Variants in USP25 observed in about 807,000 individuals in gnomAD.
USP25 encodes the protein ubiquitin carboxyl-terminal hydrolase 25.
USP25 carries 85 observed loss-of-function variants against 158.5 expected under a neutral mutation model. That is an observed-to-expected ratio of 0.54 (90% CI 0.45 to 0.64). The LOEUF (loss-of-function observed/expected upper bound fraction) is 0.64, where lower values mean the gene tolerates loss of function less well. Among genes scored for constraint, USP25 ranks in the 30% least tolerant of loss-of-function variants. The pLI is 0.00. For synonymous variants in USP25, 464 were observed against 460.4 expected (o/e 1.01, Z -0.10); for missense variants, 1,242 against 1,327.3 (o/e 0.94, Z 1.00).
intron 1 of USP25, among the ~76,000 whole-genome samples, chr21:15,747,644 A>G (rs138368782): frequency 8.5e-5 from 13 of 152,164 alleles, no homozygotes; most frequent in African/African-American, 2.2e-4. Flanking sequence ...AATATCCGAT[A>G]ACTGAGATGG....
chr21:15,869,498 G>C (rs1046146111), intron 22 of USP25, among the ~76,000 whole-genome samples: 27 of 152,004 alleles, frequency 1.8e-4, no homozygotes, highest in African/African-American at 6.3e-4. Flanking sequence ...AGTTGTTTTG[G>C]GGGTGGGGAG....
chr21:15,878,596 C>T lies in USP25; in HGVS notation c.*121C>T. The T allele has an allele frequency of 9.3e-7, 1 of 1,071,038 alleles. No homozygotes were observed. Among genetic ancestry groups the T allele is most frequent in the Non-Finnish European group, 1.3e-6 (1 of 785,220 alleles). The allele number at this position is 1,071,038 out of a possible 1,614,324, so 66.3% of individuals were successfully genotyped here. On this transcript the variant is annotated 3_prime_UTR_variant, in exon 26 of 26. Coordinates refer to ENST00000400183, the MANE Select transcript of USP25 (RefSeq NM_001283041.3). Reference sequence around the variant, plus strand: ...TAACTTTTTTTTATTTTAATAACTGCAAAAGACAAAATGACTATACAGACT... The same window carrying T: ...TAACTTTTTTTTATTTTAATAACTGTAAAAGACAAAATGACTATACAGACT...
chr21:15,743,014 C>G (rs2032204861), intron 1 of USP25, among the ~76,000 whole-genome samples: 1 of 152,260 alleles, frequency 6.6e-6, no homozygotes. Context: ...GGTGTCATAG[C>G]TTCTGCCTGG....
chr21:15,865,326 A>G (rs938714866), intron 21 of USP25, among the ~76,000 whole-genome samples: 34 of 152,298 alleles, frequency 2.2e-4, no homozygotes, highest in South Asian at 8.3e-4. Context: ...TGAAATGATC[A>G]TCCTTTTATG....
chr21:15,815,082 C>A (rs1028636386), intron 9 of USP25, among the ~76,000 whole-genome samples: 2 of 152,146 alleles, frequency 1.3e-5, no homozygotes, highest in Non-Finnish European at 2.9e-5. Flanking sequence ...CCAGCTTTTG[C>A]TAGAAGGGGC....
chr21:15,869,998 T>C, intron 22 of USP25, 70 bp from the exon 23 acceptor site: 1 of 1,193,700 alleles, frequency 8.4e-7, no homozygotes, highest in Non-Finnish European at 1.2e-6. Flanking sequence ...AGTGCATTAC[T>C]TTTTGTACAG....
rs527569855 is a variant in USP25 at position 15,816,247 on chromosome 21, T to C, written c.932-2451T>C. Among the ~76,000 whole-genome samples the C allele has an allele frequency of 1.2e-4, 18 of 152,176 alleles. No homozygotes were observed. Among genetic ancestry groups the C allele is most frequent in the Non-Finnish European group, 8.8e-5 (6 of 68,022 alleles). ...TCCTCATCTTCTCTTGCCTCTGCCA[T>C]GTAAGAAGTGCCTTTTGCCTCCCGC... On this transcript the variant is annotated intron_variant, in intron 9 of 25. Transcript: ENST00000400183. The surrounding 1 kb of genome is among the most constrained non-coding windows in gnomAD (Gnocchi z 4.0).
intron 23 of USP25, among the ~76,000 whole-genome samples, chr21:15,873,570 C>T (rs1374294345): frequency 6.6e-6 from 1 of 151,740 alleles, no homozygotes; most frequent in African/African-American, 2.4e-5. Flanking sequence ...GGCGTGATCT[C>T]AGCTCACCTC....
intron 1 of USP25, among the ~76,000 whole-genome samples, chr21:15,740,225 C>T (rs971027649): frequency 5.9e-5 from 9 of 152,134 alleles, no homozygotes; most frequent in African/African-American, 1.7e-4. Context: ...TAATAAGAAT[C>T]GCAGATTATT....
At position 15,791,935 on chromosome 21, in the gene USP25, T is replaced by TG. The variant is rs549242171; in HGVS notation, c.555+275dup. On this transcript the variant is annotated intron_variant, in intron 5 of 25. Transcript: ENST00000400183. ...CTTTCCTTCTGCTTTTAGGAATTGT[T>TG]GGGGTGGAAAGAGTTTTGTATATAT... 1.4e-4 allele frequency among the ~76,000 whole-genome samples: 21 copies of TG among 151,886 alleles called. No homozygotes were observed. The South Asian group carries it at 1.9e-3, about 14-fold the overall frequency.
intron 12 of USP25, among the ~76,000 whole-genome samples, chr21:15,825,634 G>A (rs1438816816): frequency 6.6e-6 from 1 of 152,130 alleles, no homozygotes; most frequent in Non-Finnish European, 1.5e-5. Flanking sequence ...ACTGAGAAAT[G>A]TTCTACAGGC....
At chr21:15,853,459 A>G (rs894753592) in intron 20 of USP25, among the ~76,000 whole-genome samples, 18 of 152,084 alleles carry the variant, frequency 1.2e-4, no homozygotes, top group African/African-American at 4.1e-4. Context: ...CTCCCAGTCT[A>G]CCATTTCTAT....
chr21:15,805,339 G>C (rs1181747701), intron 7 of USP25, 81 bp downstream of exon 7: 1 of 1,293,354 alleles, frequency 7.7e-7, no homozygotes, highest in Non-Finnish European at 1.0e-6. Flanking sequence ...AAGAATATGA[G>C]ACTATTTGAG....
chr21:15,736,281 A>T (rs376475333), intron 1 of USP25, among the ~76,000 whole-genome samples: 3 of 152,182 alleles, frequency 2.0e-5, no homozygotes, highest in Admixed American at 6.5e-5. Flanking sequence ...TAATTTTACT[A>T]GAGAGAGGGT....
At chr21:15,780,615 C>CT (rs1261547591) in intron 4 of USP25, among the ~76,000 whole-genome samples, 2 of 152,250 alleles carry the variant, frequency 1.3e-5, no homozygotes, top group East Asian at 3.9e-4. Context: ...ACTACAGATT[C>CT]TTTTTTTCCT....
intron 1 of USP25, among the ~76,000 whole-genome samples, chr21:15,735,468 A>G (rs764296022): frequency 1.3e-5 from 2 of 152,188 alleles, no homozygotes; most frequent in African/African-American, 2.4e-5. Context: ...TGTAAGTTAC[A>G]TGCAAGTATT....
intron 1 of USP25, among the ~76,000 whole-genome samples, chr21:15,732,987 A>G (rs914235586): frequency 6.6e-6 from 1 of 152,174 alleles, no homozygotes; most frequent in African/African-American, 2.4e-5. Flanking sequence ...TGCAGTTGGC[A>G]GCAGATGAGT....
rs73892558 is a variant in USP25 at position 15,870,638 on chromosome 21, C to G, written c.2885+491C>G. The stretch of plus-strand genomic sequence containing the variant: ...TATTAAGAAGAAAGGATACATTTTG[C>G]TTTACTTACATTTTAGGTTATTTAC... On this transcript the variant is annotated intron_variant, in intron 23 of 25. Coordinates refer to ENST00000400183, the MANE Select transcript of USP25 (RefSeq NM_001283041.3). Among the ~76,000 whole-genome samples, 971 of 152,168 alleles carry G rather than the reference C, an allele frequency of 6.4e-3. 5 individuals are homozygous for G. Among genetic ancestry groups the G allele is most frequent in the African/African-American group, 0.021 (887 of 41,514 alleles).
intron 20 of USP25, among the ~76,000 whole-genome samples, chr21:15,860,748 C>T (rs1175625244): frequency 6.6e-6 from 1 of 151,982 alleles, no homozygotes; most frequent in African/African-American, 2.4e-5. Flanking sequence ...CATAAACTCT[C>T]TTAACCAACT....
Sources: allele counts gnomAD v4.1 joint callset (sites outside exome capture counted in the v4.1 genomes callset), GRCh38; gene constraint gnomAD v4.1.1; non-coding constraint Gnocchi (gnomAD v3.1); transcripts MANE v1.5; gene names NCBI Gene and HGNC (gene_info 2026-07-23, HGNC 2026-07-21).